The following FAM83H variants were observed in gnomAD, a reference collection of about 807,000 sequenced individuals.
FAM83H encodes scaffolding CK1 anchoring protein H, also known as protein FAM83H.
FAM83H carries 24 observed loss-of-function variants against 30.2 expected under a neutral mutation model. The observed-to-expected ratio is 0.79, with a 90% CI of 0.57 to 1.12. The LOEUF (loss-of-function observed/expected upper bound fraction) is 1.12, where lower values mean the gene tolerates loss of function less well. Ranked by LOEUF, FAM83H falls within the 50% of genes most tolerant of loss-of-function variation. The pLI, the probability that FAM83H is intolerant of heterozygous loss-of-function variation, is 0.00. For synonymous variants in FAM83H, 1,013 were observed against 821.7 expected, an observed-to-expected ratio of 1.23 and a Z score of -3.98; for missense variants, 2,038 against 1,773.9, an observed-to-expected ratio of 1.15 and a Z score of -2.67.
Position 143,727,874 on chromosome 8 carries a change from G to C in FAM83H, c.1587C>G (p.Pro529=). 7 of 1,368,662 alleles carry C rather than the reference G, an allele frequency of 5.1e-6. No individual in the cohort carries two copies. The highest frequency in any genetic ancestry group is 6.5e-6 in the Non-Finnish European group (7 of 1,070,712). The allele number at this position is 1,368,662 out of a possible 1,614,324, so 84.8% of individuals were successfully genotyped here. ...CGCTGGGCTCCAGGCCGCGGGGTCCGGGCGCGAAGGCGGGGTCCGAGCCGT... is the reference window on the plus strand; with the variant it reads ...CGCTGGGCTCCAGGCCGCGGGGTCCCGGCGCGAAGGCGGGGTCCGAGCCGT... ...VRHGSDPAFA[P]GPRGLEPSGA... Residue 529 remains proline, a synonymous_variant, in exon 5 of 5, where the codon CCC becomes CCG. Transcript: ENST00000388913.
rs782614978 is a variant in FAM83H at position 143,728,067 on chromosome 8, G to A, written c.1394C>T (p.Thr465Met). The A allele has an allele frequency of 1.6e-5, 25 of 1,610,388 alleles. No individual in the cohort carries two copies. In the South Asian group the frequency reaches 2.3e-4, roughly 15 times the overall value. Residue 465 changes from threonine to methionine, a missense_variant, in exon 5 of 5, where the codon ACG becomes ATG. Physicochemically the swap from Thr to Met is moderately conservative, Grantham distance 81. Transcript: ENST00000388913. ...GAACAGGCCTTGCGGGCGCGCCGGCGTGAGCTGCGGGTCCCACTGGTACTG... is the reference window on the plus strand; with the variant it reads ...GAACAGGCCTTGCGGGCGCGCCGGCATGAGCTGCGGGTCCCACTGGTACTG... ...QQQYQWDPQL[T>M]PARPQGLFEK...
rs377066916 is a variant in FAM83H, at chr8:143,729,334, G to C, written c.448-11C>G. The C allele has an allele frequency of 2.5e-6, 4 of 1,612,584 alleles. No individual in the cohort carries two copies. Among genetic ancestry groups the C allele is most frequent in the Non-Finnish European group, 3.4e-6 (4 of 1,179,906 alleles). On this transcript the variant is annotated splice_polypyrimidine_tract_variant and intron_variant, in intron 2 of 4. Transcript: ENST00000388913. ...CACCACGGCCACCACCTGCAGGGGC[G>C]GGTCAGGACGGAGAGGAGAGGCCCC...
rs1818604100 is a variant in FAM83H, at chr8:143,733,471, G to A, written c.-16+220C>T. On this transcript the variant is annotated intron_variant, in intron 1 of 4. Transcript: ENST00000388913. This position sits in a 1 kb window ranked among gnomAD's most constrained non-coding sequence, Gnocchi z 5.6. The stretch of plus-strand genomic sequence containing the variant: ...TCTTTTCGGGCCGGCGTCGTGCGGG[G>A]GCGCTCGCGTCCATATCCGCACAGC... Among the ~76,000 whole-genome samples, 1 of 152,084 alleles carries A rather than the reference G, an allele frequency of 6.6e-6. No individual in the cohort carries two copies. The highest frequency in any genetic ancestry group is 6.5e-5 in the Admixed American group (1 of 15,274).
chr8:143,725,557 C>G lies in FAM83H; in HGVS notation c.*364G>C. 1 of 376,074 alleles carries G rather than the reference C, an allele frequency of 2.7e-6. No individual in the cohort carries two copies. Among genetic ancestry groups the G allele is most frequent in the Non-Finnish European group, 4.9e-6 (1 of 202,594 alleles). The allele number at this position is 376,074 out of a possible 1,614,324, so 23.3% of individuals were successfully genotyped here. A position where few individuals can be genotyped will look rare whatever the true frequency, so the allele number is the denominator to read the frequency against. ...GTTGCAGTGAGCCCAGACCGCTCAA[C>G]TGCACTCCAGCCCTAGGTCTCAAAA... On this transcript the variant is annotated 3_prime_UTR_variant, in exon 5 of 5. Coordinates refer to ENST00000388913, the MANE Select transcript of FAM83H (RefSeq NM_198488.5).
rs1563763664 is a variant in FAM83H, at chr8:143,733,611, AGCCCAAGTGGGACC to A, written c.-16+66_-16+79del. ...CCGGCCCAGGTGTGGGCGCAAGGGT[AGCCCAAGTGGGACC>A]GCGCCAAGGGGCGCCCGCCCCCCGC... On this transcript the variant is annotated intron_variant, in intron 1 of 4. Coordinates refer to ENST00000388913, the MANE Select transcript of FAM83H (RefSeq NM_198488.5). This position sits in a 1 kb window ranked among gnomAD's most constrained non-coding sequence, Gnocchi z 5.6. 1 of 150,694 alleles carries A rather than the reference AGCCCAAGTGGGACC, an allele frequency of 6.6e-6. No homozygotes were observed. Among genetic ancestry groups the A allele is most frequent in the African/African-American group, 2.4e-5 (1 of 41,070 alleles). The allele number at this position is 150,694 out of a possible 1,614,324, so 9.3% of individuals were successfully genotyped here.
chr8:143,732,353 A>G (rs56323687), intron 1 of FAM83H: 239,503 of 985,196 alleles, frequency 0.24, 33,970 homozygotes, highest in African/African-American at 0.61. Context: ...GATCGAGGCC[A>G]ACCACATGGG....
chr8:143,731,399 CA>C, intron 1 of FAM83H: 1 of 985,344 alleles, frequency 1.0e-6, no homozygotes, highest in African/African-American at 1.7e-5. Flanking sequence ...GCGCAGCAAA[CA>C]GGGCTGTGAC....
At position 143,725,841 on chromosome 8, in the gene FAM83H, G is replaced by A. The variant is rs1818267963; in HGVS notation, c.*80C>T. 1 of 1,571,508 alleles carries A rather than the reference G, an allele frequency of 6.4e-7. No individual in the cohort carries two copies. The highest frequency in any genetic ancestry group is 8.6e-7 in the Non-Finnish European group (1 of 1,157,622). Reference sequence around the variant, plus strand: ...CAGCCGCTGCTCAAGCAGATGAGCAGGGCTCTCTGTTCCGCGGGGCTTCTG... The same window carrying A: ...CAGCCGCTGCTCAAGCAGATGAGCAAGGCTCTCTGTTCCGCGGGGCTTCTG... On this transcript the variant is annotated 3_prime_UTR_variant, in exon 5 of 5. Coordinates refer to ENST00000388913, the MANE Select transcript of FAM83H (RefSeq NM_198488.5).
chr8:143,731,246 A>G, intron 1 of FAM83H: 1 of 713,360 alleles, frequency 1.4e-6, no homozygotes, highest in Non-Finnish European at 1.7e-6. Flanking sequence ...TGCCTACTGG[A>G]CAAGCTGGTG....
Position 143,730,432 on chromosome 8 carries a change from C to A in FAM83H, c.151G>T (p.Gly51Trp), listed in dbSNP as rs1818475974. ...TCAGGGCACAGGAAGTCTGGTGCCC[C>A]CTCGGTAGCGAGGAAGCGGCTGTAG... The part of the protein sequence containing the change: ...EAYSRFLATE[G>W]APDFLCPEEL... The change falls in exon 2 of 5, where the codon GGG (glycine) becomes TGG (tryptophan). Residue 51 changes from glycine (G) to tryptophan (W), a missense_variant. Gly to Trp is a radical substitution (Grantham distance 184, BLOSUM62 -2). Coordinates refer to ENST00000388913, the MANE Select transcript of FAM83H (RefSeq NM_198488.5). The A allele has an allele frequency of 8.1e-6, 13 of 1,612,662 alleles. No individual in the cohort carries two copies. Among genetic ancestry groups the A allele is most frequent in the Non-Finnish European group, 9.3e-6 (11 of 1,180,000 alleles).
In FAM83H at chr8:143,727,456, G is replaced by A. The variant is rs1347287355; in HGVS notation, c.2005C>T (p.Arg669Cys). The change falls in exon 5 of 5, where the codon CGC becomes TGC. Residue 669 changes from arginine (R) to cysteine (C), a missense_variant. Transcript: ENST00000388913. ...EPGLAKQDSFRSRLNPLVQRS... is the reference protein window; with the variant it reads ...EPGLAKQDSFCSRLNPLVQRS... ...TGGACCAGGGGGTTCAGGCGCGAGC[G>A]GAATGAGTCCTGCTTGGCCAGGCCA... is the stretch of plus-strand genomic sequence containing the variant. The A allele has an allele frequency of 5.7e-6, 9 of 1,570,050 alleles. No individual in the cohort carries two copies. The Admixed American group carries it at 9.1e-5, about 16-fold the overall frequency.
Position 143,727,834 on chromosome 8 carries a change from TG to T in FAM83H, c.1626del (p.Asn543ThrfsTer2), listed in dbSNP as rs1220212627. ...TGGCATGGGAAGCGCTGGGTCAGGT[TG>T]GGGCGCGGGGCTCCGCTGGGCTCCA... Reference protein sequence around the residue: ...RGLEPSGAPRPNLTQRFPCQA... With the variant: ...RGLEPSGAPRXNLTQRFPCQA... On this transcript the variant is annotated frameshift_variant, in exon 5 of 5. Transcript: ENST00000388913. LOFTEE classifies it low-confidence loss of function (END_TRUNC). 4 of 1,324,360 alleles carry T rather than the reference TG, an allele frequency of 3.0e-6. No homozygotes were observed. Among genetic ancestry groups the T allele is most frequent in the Non-Finnish European group, 3.8e-6 (4 of 1,045,524 alleles). 82.0% of individuals were successfully genotyped at this position (1,324,360 alleles called of 1,614,324 possible).
chr8:143,728,116 G>A lies in FAM83H; in HGVS notation c.1345C>T (p.His449Tyr). 1.2e-6 allele frequency: 2 copies of A among 1,610,756 alleles called. No homozygotes were observed. Among genetic ancestry groups the A allele is most frequent in the Non-Finnish European group, 1.7e-6 (2 of 1,179,288 alleles). ...DDFRFQTSHF[H>Y]RDQLYQQQYQ... ...TGCTGCTGGTAGAGCTGGTCACGGTGGAAGTGGCTGGTCTGGAAGCGGAAG... is the reference window on the plus strand; with the variant it reads ...TGCTGCTGGTAGAGCTGGTCACGGTAGAAGTGGCTGGTCTGGAAGCGGAAG... The change falls in exon 5 of 5, where the codon CAC becomes TAC. Residue 449 changes from histidine to tyrosine, a missense_variant. His to Tyr is a moderately conservative substitution (Grantham distance 83, BLOSUM62 2). Coordinates refer to ENST00000388913, the MANE Select transcript of FAM83H (RefSeq NM_198488.5).
Position 143,725,758 on chromosome 8 carries a change from C to A in FAM83H, c.*163G>T. 8.0e-7 allele frequency: 1 copy of A among 1,254,876 alleles called. No individual in the cohort carries two copies. The highest frequency in any genetic ancestry group is 2.6e-5 in the Admixed American group (1 of 39,182). 77.7% of individuals were successfully genotyped at this position (1,254,876 alleles called of 1,614,324 possible). ...GCAGAGACGGCAGCTGCCAGGTGAG[C>A]CTCCAGTGGAGCCGAGGTCTGGCGC... On this transcript the variant is annotated 3_prime_UTR_variant, in exon 5 of 5. Transcript: ENST00000388913.
In FAM83H at chr8:143,729,029, C is replaced by T; in HGVS notation, c.675G>A (p.Lys225=). Residue 225 remains lysine (K), a synonymous_variant, in exon 4 of 5, where the codon AAG becomes AAA. Transcript: ENST00000388913. ...TYYCRTGKSF[K]GHVKEKFLLV... ...GCAGGAACTTCTCCTTGACGTGGCC[C>T]TTGAAGGACTTCCCAGTGCGGCAGT... 6.2e-7 allele frequency: 1 copy of T among 1,613,660 alleles called. No individual in the cohort carries two copies. Among genetic ancestry groups the T allele is most frequent in the Non-Finnish European group, 8.5e-7 (1 of 1,179,986 alleles).
rs1390032303 is a variant in FAM83H at position 143,727,735 on chromosome 8, C to A, written c.1726G>T (p.Ala576Ser). The A allele has an allele frequency of 3.3e-6, 5 of 1,525,420 alleles. No homozygotes were observed. The highest frequency in any genetic ancestry group is 4.4e-6 in the Non-Finnish European group (5 of 1,144,514). The allele number at this position is 1,525,420 out of a possible 1,614,324, so 94.5% of individuals were successfully genotyped here. The change falls in exon 5 of 5, where the codon GCA (alanine) becomes TCA (serine). Residue 576 changes from alanine (A) to serine (S), a missense_variant. Transcript: ENST00000388913. The stretch of plus-strand genomic sequence containing the variant: ...GCCAAACGCCAGCGCCGCAGCCCTG[C>A]CCGCCCCTCGGGCCCGCCCCTGCGC... ...PERRGGPEGRAGLRRWRLASY... is the reference protein window; with the variant it reads ...PERRGGPEGRSGLRRWRLASY...
Position 143,725,774 on chromosome 8 carries a change from G to T in FAM83H, c.*147C>A. The stretch of plus-strand genomic sequence containing the variant: ...CCAGGTGAGCCTCCAGTGGAGCCGA[G>T]GTCTGGCGCACTCAGCCAAGCCCCA... On this transcript the variant is annotated 3_prime_UTR_variant, in exon 5 of 5. Transcript: ENST00000388913. 7.1e-7 allele frequency: 1 copy of T among 1,399,626 alleles called. No individual in the cohort carries two copies. The highest frequency in any genetic ancestry group is 9.7e-7 in the Non-Finnish European group (1 of 1,035,856). 86.7% of individuals were successfully genotyped at this position (1,399,626 alleles called of 1,614,324 possible).
Position 143,731,898 on chromosome 8 carries a change from G to T in FAM83H, c.-15-1301C>A, listed in dbSNP as rs113878062. On this transcript the variant is annotated intron_variant, in intron 1 of 4. Coordinates refer to ENST00000388913, the MANE Select transcript of FAM83H (RefSeq NM_198488.5). The stretch of plus-strand genomic sequence containing the variant: ...AGCGCCCAGGGCCCACGCACACAGG[G>T]TCACTGAGCTACCTGGGTACCTCTC... 5 of 985,176 alleles carry T rather than the reference G, an allele frequency of 5.1e-6. No homozygotes were observed. In the South Asian group the frequency reaches 2.3e-4, roughly 46 times the overall value. 61.0% of individuals were successfully genotyped at this position (985,176 alleles called of 1,614,324 possible).
chr8:143,730,405 C>T lies in FAM83H; in HGVS notation c.178G>A (p.Glu60Lys). The change falls in exon 2 of 5, where the codon GAG becomes AAG. Residue 60 changes from glutamate (E) to lysine (K), a missense_variant. Coordinates refer to ENST00000388913, the MANE Select transcript of FAM83H (RefSeq NM_198488.5). ...AGGTGTCGGCTCACATGTTCCAGCTCTTCAGGGCACAGGAAGTCTGGTGCC... is the reference window on the plus strand; with the variant it reads ...AGGTGTCGGCTCACATGTTCCAGCTTTTCAGGGCACAGGAAGTCTGGTGCC... ...EGAPDFLCPEELEHVSRHLRP... is the reference protein window; with the variant it reads ...EGAPDFLCPEKLEHVSRHLRP... 1 of 1,613,266 alleles carries T rather than the reference C, an allele frequency of 6.2e-7. No individual in the cohort carries two copies. The highest frequency in any genetic ancestry group is 8.5e-7 in the Non-Finnish European group (1 of 1,180,030).
Sources: allele counts gnomAD v4.1 joint callset (sites outside exome capture counted in the v4.1 genomes callset), GRCh38; gene constraint gnomAD v4.1.1; non-coding constraint Gnocchi (gnomAD v3.1); transcripts MANE v1.5; gene names NCBI Gene and HGNC (gene_info 2026-07-23, HGNC 2026-07-21).